The following PAK3 variants were observed in gnomAD, a reference collection of about 807,000 sequenced individuals.
The protein encoded by PAK3 is serine/threonine-protein kinase PAK 3.
A neutral mutation model predicts 41.0 loss-of-function variants in PAK3; 4 were observed. The ratio of observed to expected loss-of-function variants is 0.10; its 90% confidence interval spans 0.05 to 0.22. The LOEUF is 0.22. Ranked by LOEUF, PAK3 falls within the 10% of genes least tolerant of loss-of-function variation. The pLI is 1.00. For synonymous variants in PAK3, 146 were observed against 139.6 expected (o/e 1.05, Z -0.32); for missense variants, 205 against 409.9 (o/e 0.50, Z 4.32).
chrX:111,219,242 G>GCACCT (rs2094908880), intron 17 of PAK3, among the ~76,000 whole-genome samples: 1 of 90,871 alleles, frequency 1.1e-5, no homozygotes, highest in Non-Finnish European at 2.3e-5. Flanking sequence ...TAATAAGCAA[G>GCACCT]AGATAAATGT....
intron 4 of PAK3, among the ~76,000 whole-genome samples, chrX:111,122,535 T>A (rs2093593523): frequency 9.0e-6 from 1 of 110,934 alleles, no homozygotes. Context: ...ATGGGATGGT[T>A]TCTCGGTTAA....
intron 10 of PAK3, among the ~76,000 whole-genome samples, chrX:111,166,677 C>T (rs192489711): frequency 1.8e-5 from 2 of 111,511 alleles, no homozygotes; most frequent in East Asian, 5.7e-4. Context: ...TCAGAAGGAT[C>T]TACATTTAAA....
At position 111,097,584 on chromosome X, in the gene PAK3, C is replaced by T. The variant is rs1223493056; in HGVS notation, c.-276C>T. The T allele has an allele frequency of 2.7e-5, 3 of 110,586 alleles. No individual in the cohort carries two copies. The highest frequency in any genetic ancestry group is 5.7e-5 in the Non-Finnish European group (3 of 52,942). The allele number at this position is 110,586 out of a possible 1,213,427, so 9.1% of individuals were successfully genotyped here. A position where few individuals can be genotyped will look rare whatever the true frequency, so the allele number is the denominator to read the frequency against. On this transcript the variant is annotated 5_prime_UTR_variant, in exon 3 of 18. Transcript: ENST00000372007. ...CCTCATGGTTTTGCAGACTCAAATC[C>T]AGGCCAAGTGTATGGCTGTCTGAGG...
chrX:111,088,661 C>T (rs1192108500), intron 1 of PAK3, among the ~76,000 whole-genome samples: 1 of 111,779 alleles, frequency 8.9e-6, no homozygotes, highest in Non-Finnish European at 1.9e-5. Context: ...CTGTCAGAGA[C>T]AAGACTATAG....
intron 16 of PAK3, among the ~76,000 whole-genome samples, chrX:111,214,214 G>A (rs2094851411): frequency 1.8e-5 from 2 of 111,999 alleles, no homozygotes; most frequent in African/African-American, 3.2e-5. Context: ...ATGGAATTCT[G>A]TGGCTCTTAC....
chrX:111,219,829 A>C, intron 17 of PAK3, among the ~76,000 whole-genome samples: 1 of 111,545 alleles, frequency 9.0e-6, no homozygotes, highest in Non-Finnish European at 1.9e-5. Context: ...TTCAGTGCAC[A>C]TGCGCATGGA....
intron 11 of PAK3, among the ~76,000 whole-genome samples, chrX:111,184,759 A>G (rs981897408): frequency 1.8e-5 from 2 of 111,548 alleles, no homozygotes; most frequent in African/African-American, 3.3e-5. Flanking sequence ...ATAGTACTCC[A>G]TGGTATATAT....
At chrX:111,207,941 C>G (rs766923934) in intron 16 of PAK3, among the ~76,000 whole-genome samples, 13 of 111,929 alleles carry the variant, frequency 1.2e-4, no homozygotes, top group Non-Finnish European at 2.3e-4. Context: ...ATTGCAGGTG[C>G]CTGCCACCAC....
intron 17 of PAK3, chrX:111,216,991 T>A (rs1343775968): frequency 1.3e-6 from 1 of 750,125 alleles, no homozygotes; most frequent in South Asian, 6.8e-5. Context: ...GTGATGCCAA[T>A]TGGCAGGCAC....
At chrX:111,084,634 T>A (rs751389003) in intron 1 of PAK3, among the ~76,000 whole-genome samples, 12 of 110,670 alleles carry the variant, frequency 1.1e-4, no homozygotes, top group African/African-American at 2.4e-4. Flanking sequence ...TGACACCCAT[T>A]TTTTTTCTAG....
chrX:111,163,650 C>A lies in PAK3; in HGVS notation c.689C>A (p.Ser230Tyr). ...CCACCCTCTGCTGAAAATGCCAATT[C>A]CAGTACTTTGTACAGGAACACAGAT... ...VTPPSAENAN[S>Y]STLYRNTDRQ... Residue 230 changes from serine to tyrosine, a missense_variant, in exon 10 of 18, where the codon TCC becomes TAC. Physicochemically the swap from Ser to Tyr is moderately radical, Grantham distance 144. This residue lies in a region of PAK3 where 75 missense variants were observed against 91.9 expected (regional missense o/e 0.82). Transcript: ENST00000372007. 8.3e-7 allele frequency: 1 copy of A among 1,199,358 alleles called. No homozygotes were observed. Among genetic ancestry groups the A allele is most frequent in the Non-Finnish European group, 1.1e-6 (1 of 884,446 alleles).
rs1030246162 is a variant in PAK3 at position 111,189,857 on chromosome X, C to T, written c.831-2270C>T. On this transcript the variant is annotated intron_variant, in intron 11 of 17. Coordinates refer to ENST00000372007, the MANE Select transcript of PAK3 (RefSeq NM_002578.5). ...AAGTTCAGAAGGACAAATCACACAC[C>T]GGGCTCTGAAGTCAGGAATGTTTGT... 1.8e-5 allele frequency among the ~76,000 whole-genome samples: 2 copies of T among 111,833 alleles called. 1 individual carries two copies. The highest frequency in any genetic ancestry group is 7.5e-4 in the South Asian group (2 of 2,670).
chrX:110,952,342 G>A (rs779965977), intron 1 of PAK3, among the ~76,000 whole-genome samples: 1 of 111,339 alleles, frequency 9.0e-6, no homozygotes, highest in South Asian at 3.8e-4. Context: ...AGGGCAATGG[G>A]GAAACATGAA....
chrX:111,022,164 A>G (rs887264802), intron 1 of PAK3, among the ~76,000 whole-genome samples: 7 of 111,555 alleles, frequency 6.3e-5, no homozygotes, highest in Non-Finnish European at 1.9e-5. Flanking sequence ...TCCAAATACA[A>G]GAAGCTCAAA....
chrX:111,124,124 G>T (rs2093616251), intron 5 of PAK3, among the ~76,000 whole-genome samples: 1 of 111,622 alleles, frequency 9.0e-6, no homozygotes, highest in Non-Finnish European at 1.9e-5. Flanking sequence ...AGCTTTGTAG[G>T]TCACTTATAT....
At chrX:111,076,775 T>C (rs1318943999) in intron 1 of PAK3, among the ~76,000 whole-genome samples, 1 of 112,028 alleles carries the variant, frequency 8.9e-6, no homozygotes, top group Non-Finnish European at 1.9e-5. Flanking sequence ...GACAAGGATG[T>C]CCACTCTTGC....
chrX:111,200,097 C>A (rs2094663646), intron 16 of PAK3, among the ~76,000 whole-genome samples: 1 of 110,314 alleles, frequency 9.1e-6, no homozygotes, highest in South Asian at 3.9e-4. Context: ...GCATCATTAC[C>A]ACTAGGAGTC....
chrX:111,167,191 A>C (rs920559308), intron 10 of PAK3, among the ~76,000 whole-genome samples: 3 of 111,646 alleles, frequency 2.7e-5, no homozygotes, highest in African/African-American at 9.8e-5. Flanking sequence ...TGAAACCAGG[A>C]ATAATCCCAG....
intron 1 of PAK3, among the ~76,000 whole-genome samples, chrX:111,059,209 C>G (rs763653868): frequency 1.0e-5 from 1 of 99,295 alleles, no homozygotes; most frequent in Non-Finnish European, 2.0e-5. Context: ...ATCACTTTGT[C>G]ACCGAGGCTG....
Sources: allele counts gnomAD v4.1 joint callset (sites outside exome capture counted in the v4.1 genomes callset), GRCh38; gene constraint gnomAD v4.1.1; regional missense constraint gnomAD v4.1.1; transcripts MANE v1.5; gene names NCBI Gene and HGNC (gene_info 2026-07-23, HGNC 2026-07-21).